PCBP2: variants seen among roughly 807,000 people sequenced by gnomAD.
PCBP2 encodes poly(rC) binding protein 2.
Under a neutral mutation model 50.1 loss-of-function variants are expected in PCBP2, and 4 were observed. That is an observed-to-expected ratio of 0.08 (90% CI 0.04 to 0.18). The LOEUF (loss-of-function observed/expected upper bound fraction) is 0.18. Among genes scored for constraint, PCBP2 ranks in the 10% least tolerant of loss-of-function variants. The pLI, the probability that PCBP2 is intolerant of heterozygous loss-of-function variation, is 1.00. For synonymous variants in PCBP2, 179 were observed against 168.0 expected, an observed-to-expected ratio of 1.07 and a Z score of -0.51; for missense variants, 161 against 474.3, an observed-to-expected ratio of 0.34 and a Z score of 6.14.
intron 13 of PCBP2, 45 bp from the exon 14 acceptor site, chr12:53,471,593 A>G (rs773553985): frequency 3.2e-5 from 49 of 1,549,374 alleles, no homozygotes; most frequent in Middle Eastern, 3.7e-4. Flanking sequence ...AGACCTAGCC[A>G]TGCAACTCTA....
chr12:53,463,647 G>T (rs1421364467), intron 8 of PCBP2, among the ~76,000 whole-genome samples: 3 of 152,056 alleles, frequency 2.0e-5, no homozygotes, highest in Non-Finnish European at 4.4e-5. Context: ...TGTTTCTATG[G>T]GGGGAATCCT....
chr12:53,478,503 A>T (rs890964542), intron 14 of PCBP2, among the ~76,000 whole-genome samples: 52 of 151,882 alleles, frequency 3.4e-4, no homozygotes, highest in African/African-American at 5.1e-4. Flanking sequence ...CAGTCTCAAA[A>T]AAATAAATAA....
At chr12:53,462,428 A>T in intron 7 of PCBP2, 65 bp from the exon 8 acceptor site, 1 of 1,363,918 alleles carries the variant, frequency 7.3e-7, no homozygotes, top group African/African-American at 1.4e-5. Context: ...AGCTAAAGCC[A>T]CACAGCTGAA....
At chr12:53,471,875 G>A (rs1174893752) in intron 14 of PCBP2, 68 bp downstream of exon 14, 3 of 1,390,822 alleles carry the variant, frequency 2.2e-6, no homozygotes, top group Non-Finnish European at 3.0e-6. Flanking sequence ...GAGAGCTGCA[G>A]TGTATTAAAT....
chr12:53,469,981 C>G (rs929718133), intron 13 of PCBP2, among the ~76,000 whole-genome samples: 1 of 151,664 alleles, frequency 6.6e-6, no homozygotes, highest in Non-Finnish European at 1.5e-5. Flanking sequence ...CCTGACCTTA[C>G]GTGATCCCCC....
At chr12:53,474,891 T>A in intron 14 of PCBP2, 1 of 436,880 alleles carries the variant, frequency 2.3e-6, no homozygotes. Flanking sequence ...TAAACCCTCC[T>A]CCCAGGCAGC....
At position 53,455,983 on chromosome 12, in the gene PCBP2, C is replaced by T; in HGVS notation, c.225C>T (p.Ile75=). 6.2e-7 allele frequency: 1 copy of T among 1,604,686 alleles called. No homozygotes were observed. The highest frequency in any genetic ancestry group is 8.5e-7 in the Non-Finnish European group (1 of 1,171,514). ...TNAIFKAFAM[I]IDKLEEDISS... is the part of the protein sequence containing the mutation. ...CCATCTTCAAAGCCTTTGCTATGAT[C>T]ATTGACAAACTGGAAGAGGTTTGTT... Residue 75 remains isoleucine (I), a synonymous_variant, in exon 5 of 15, where the codon ATC becomes ATT. Coordinates refer to ENST00000546463, the MANE Select transcript of PCBP2 (RefSeq NM_031989.5).
At chr12:53,459,172 T>A in intron 5 of PCBP2, 100 bp from the exon 6 acceptor site, 1 of 1,017,654 alleles carries the variant, frequency 9.8e-7, no homozygotes, top group Non-Finnish European at 1.4e-6. Flanking sequence ...ACCTCGCATG[T>A]CCTAATAAGA....
intron 13 of PCBP2, 116 bp from the exon 14 acceptor site, chr12:53,471,522 A>C: frequency 2.2e-6 from 2 of 924,352 alleles, no homozygotes; most frequent in Non-Finnish European, 3.0e-6. Context: ...AGCCAAGATC[A>C]GGCCACTGCA....
At position 53,460,059 on chromosome 12, in the gene PCBP2, C is replaced by T. The variant is rs545234888; in HGVS notation, c.375+656C>T. Reference sequence around the variant, plus strand: ...GGCTTGAGCCAGCACACTTGCTTGCCTGCAGCGTCATTTTTCTTGACCAGA... The same window carrying T: ...GGCTTGAGCCAGCACACTTGCTTGCTTGCAGCGTCATTTTTCTTGACCAGA... On this transcript the variant is annotated intron_variant, in intron 6 of 14. Coordinates refer to ENST00000546463, the MANE Select transcript of PCBP2 (RefSeq NM_031989.5). 62 of 229,420 alleles carry T rather than the reference C, an allele frequency of 2.7e-4. 2 individuals are homozygous for T. The highest frequency in any genetic ancestry group is 2.6e-3 in the South Asian group (61 of 23,338). 14.2% of individuals were successfully genotyped at this position (229,420 alleles called of 1,614,324 possible). A position where few individuals can be genotyped will look rare whatever the true frequency, so the allele number is the denominator to read the frequency against.
intron 6 of PCBP2, chr12:53,459,936 T>C (rs748985617): frequency 2.3e-6 from 1 of 444,242 alleles, no homozygotes; most frequent in Non-Finnish European, 4.6e-6. Context: ...TTTTGTATTT[T>C]TTTGTAAAAA....
chr12:53,479,523 C>T lies in PCBP2; in HGVS notation c.*81C>T, dbSNP rs1565878065. On this transcript the variant is annotated 3_prime_UTR_variant, in exon 15 of 15. Coordinates refer to ENST00000546463, the MANE Select transcript of PCBP2 (RefSeq NM_031989.5). The stretch of plus-strand genomic sequence containing the variant: ...ATCTGTGTAGTTTCTGAACAGTCAG[C>T]GATTCCAGGTTTTAAATAGTTTGTA... 5 of 1,228,820 alleles carry T rather than the reference C, an allele frequency of 4.1e-6. No homozygotes were observed. Among genetic ancestry groups the T allele is most frequent in the Non-Finnish European group, 4.8e-6 (4 of 837,792 alleles). The allele number at this position is 1,228,820 out of a possible 1,614,324, so 76.1% of individuals were successfully genotyped here.
chr12:53,464,680 T>C, intron 8 of PCBP2, 80 bp from the exon 9 acceptor site: 1 of 1,545,352 alleles, frequency 6.5e-7, no homozygotes, highest in Non-Finnish European at 8.7e-7. Context: ...AATAAACAAC[T>C]TTTTTTGTGT....
At chr12:53,457,345 C>A (rs1219226324) in intron 5 of PCBP2, among the ~76,000 whole-genome samples, 1 of 152,112 alleles carries the variant, frequency 6.6e-6, no homozygotes, top group East Asian at 1.9e-4. Flanking sequence ...AGCCACCATG[C>A]CCAGCCTGGA....
At chr12:53,471,536 C>T (rs1942235113) in intron 13 of PCBP2, 102 bp from the exon 14 acceptor site, 1 of 1,156,174 alleles carries the variant, frequency 8.6e-7, no homozygotes, top group Non-Finnish European at 1.2e-6. Flanking sequence ...CACTGCACTC[C>T]AGCCTGGCCA....
chr12:53,453,376 A>T (rs1592628295), intron 1 of PCBP2: 1 of 152,090 alleles, frequency 6.6e-6, no homozygotes, highest in Non-Finnish European at 1.5e-5. Context: ...ACCAAGCACT[A>T]TTTTTCCATG....
chr12:53,459,653 A>AT lies in PCBP2; in HGVS notation c.375+259dup, dbSNP rs144986654. The AT allele has an allele frequency of 8.3e-3, 2,239 of 271,328 alleles. 19 individuals are homozygous for AT. The highest frequency in any genetic ancestry group is 0.037 in the African/African-American group (1,648 of 44,834). The allele number at this position is 271,328 out of a possible 1,614,324, so 16.8% of individuals were successfully genotyped here. A position where few individuals can be genotyped will look rare whatever the true frequency, so the allele number is the denominator to read the frequency against. On this transcript the variant is annotated intron_variant, in intron 6 of 14. Transcript: ENST00000546463. ...CAACTATTACATATGACAAGTTTCT[A>AT]TTTTTTTTTGGCAACTTTTCCATGA...
chr12:53,455,578 A>T (rs1175538699), intron 4 of PCBP2, 85 bp downstream of exon 4: 2 of 1,360,610 alleles, frequency 1.5e-6, no homozygotes, highest in Non-Finnish European at 2.1e-6. Context: ...GAAATTAGGA[A>T]GGTCTCAATA....
At chr12:53,455,318 C>G (rs927761275) in intron 2 of PCBP2, 29 bp from the exon 3 acceptor site, 1 of 1,605,338 alleles carries the variant, frequency 6.2e-7, no homozygotes, top group Non-Finnish European at 8.5e-7. Flanking sequence ...TGAGTTTCCT[C>G]TTACTGACGT....
Sources: gnomAD v4.1 joint callset for allele counts (sites outside exome capture counted in the v4.1 genomes callset) on GRCh38, gnomAD v4.1.1 for gene constraint, MANE v1.5 for transcripts, NCBI Gene and HGNC (gene_info 2026-07-23, HGNC 2026-07-21) for gene names.